Variants in AKAP19 observed in about 807,000 individuals in gnomAD.
The protein encoded by AKAP19 is small A-kinase anchoring protein.
the AKAP19 span, among the ~76,000 whole-genome samples, chr2:190,073,748 T>TA: frequency 0.012 from 1,719 of 148,074 alleles, 13 homozygotes; most frequent in Non-Finnish European, 0.019. Flanking sequence ...ATCACTTAGT[T>TA]AAAAAAAAAA....
At chr2:190,203,007 A>G in the AKAP19 span, 1 of 166,190 alleles carries the variant, frequency 6.0e-6, no homozygotes, top group Non-Finnish European at 1.5e-5. Context: ...AAGGGGAAAA[A>G]AATGATAATC....
the AKAP19 span, chr2:189,923,839 A>T: frequency 7.5e-6 from 12 of 1,610,488 alleles, no homozygotes; most frequent in East Asian, 2.7e-4. Flanking sequence ...GACAGCGGGG[A>T]TCTTCCAAGT....
At chr2:190,170,575 C>T in the AKAP19 span, among the ~76,000 whole-genome samples, 1 of 152,212 alleles carries the variant, frequency 6.6e-6, no homozygotes, top group East Asian at 1.9e-4. Flanking sequence ...CACCCGCTGC[C>T]TCCCATCCCC....
At chr2:190,002,734 G>C in the AKAP19 span, among the ~76,000 whole-genome samples, 1 of 152,030 alleles carries the variant, frequency 6.6e-6, no homozygotes, top group Non-Finnish European at 1.5e-5. Flanking sequence ...TCTTAGGACC[G>C]TCAGTTGGTC....
chr2:189,961,031 C>T, the AKAP19 span, among the ~76,000 whole-genome samples: 7 of 152,146 alleles, frequency 4.6e-5, no homozygotes, highest in South Asian at 4.1e-4. Flanking sequence ...AGTCTTTGAG[C>T]AGTATTGTCT....
chr2:189,998,357 A>G, the AKAP19 span, among the ~76,000 whole-genome samples: 2 of 152,198 alleles, frequency 1.3e-5, no homozygotes, highest in Non-Finnish European at 2.9e-5. Context: ...TCACCGTCTG[A>G]TAGATTTAAC....
At chr2:190,059,313 G>A in the AKAP19 span, among the ~76,000 whole-genome samples, 5 of 151,902 alleles carry the variant, frequency 3.3e-5, no homozygotes, top group African/African-American at 1.2e-4. Flanking sequence ...ATTAATTTTT[G>A]TGATATATAA....
At chr2:189,961,584 G>A in the AKAP19 span, among the ~76,000 whole-genome samples, 3 of 151,942 alleles carry the variant, frequency 2.0e-5, no homozygotes, top group African/African-American at 2.4e-5. Flanking sequence ...ATAAGTCCCA[G>A]GTTCTTGACA....
the AKAP19 span, among the ~76,000 whole-genome samples, chr2:190,017,826 T>C: frequency 6.6e-6 from 1 of 152,208 alleles, no homozygotes. Flanking sequence ...TAGAAATTCC[T>C]GTAAGAGGCA....
the AKAP19 span, among the ~76,000 whole-genome samples, chr2:190,140,189 C>T: frequency 1.3e-5 from 2 of 152,316 alleles, no homozygotes; most frequent in East Asian, 1.9e-4. Flanking sequence ...TAGCTCTACC[C>T]CTGTGGCTTT....
the AKAP19 span, among the ~76,000 whole-genome samples, chr2:190,141,396 T>G: frequency 3.9e-3 from 597 of 152,310 alleles, 5 homozygotes; most frequent in South Asian, 0.012. Context: ...AAAAAATACC[T>G]GAGACTGGGT....
At chr2:189,925,105 A>G in the AKAP19 span, among the ~76,000 whole-genome samples, 2 of 152,148 alleles carry the variant, frequency 1.3e-5, no homozygotes, top group African/African-American at 4.8e-5. Flanking sequence ...CACATATGAA[A>G]GTGAACCCAA....
the AKAP19 span, chr2:189,917,428 CTGTT>C: frequency 5.8e-5 from 46 of 794,094 alleles, 1 homozygote; most frequent in South Asian, 6.8e-4. Context: ...AAAACCATGT[CTGTT>C]TTTTTTCTAG....
the AKAP19 span, among the ~76,000 whole-genome samples, chr2:189,934,683 T>C: frequency 2.6e-5 from 4 of 151,614 alleles, no homozygotes; most frequent in African/African-American, 9.6e-5. Flanking sequence ...GAAACCCCTT[T>C]TTAATTTTTT....
chr2:189,892,523 C>G, the AKAP19 span, among the ~76,000 whole-genome samples: 1 of 152,150 alleles, frequency 6.6e-6, no homozygotes, highest in Non-Finnish European at 1.5e-5. Flanking sequence ...TGCTGGTGGT[C>G]CATTCCAGAC....
At chr2:189,968,701 A>G in the AKAP19 span, among the ~76,000 whole-genome samples, 5 of 152,190 alleles carry the variant, frequency 3.3e-5, no homozygotes. Flanking sequence ...TTGCAAATAC[A>G]AAGGCCCCCT....
At chr2:190,127,541 A>C in the AKAP19 span, among the ~76,000 whole-genome samples, 2 of 152,216 alleles carry the variant, frequency 1.3e-5, no homozygotes, top group Non-Finnish European at 2.9e-5. Flanking sequence ...CAAAATAAAA[A>C]TATATGTGAA....
chr2:190,076,643 A>C, the AKAP19 span, among the ~76,000 whole-genome samples: 6 of 152,214 alleles, frequency 3.9e-5, 1 homozygote, highest in Admixed American at 3.9e-4. Flanking sequence ...CAGGAAATCA[A>C]TATTACTTAT....
the AKAP19 span, among the ~76,000 whole-genome samples, chr2:190,125,320 CAT>C: frequency 0.27 from 40,898 of 151,814 alleles, 5,591 homozygotes; most frequent in Middle Eastern, 0.34. Context: ...TTGACTGAAA[CAT>C]AGTTATATGG....
Sources: gnomAD v4.1 joint callset for allele counts (sites outside exome capture counted in the v4.1 genomes callset) on GRCh38, gnomAD v4.1.1 for gene constraint, MANE v1.5 for transcripts, NCBI Gene and HGNC (gene_info 2026-07-23, HGNC 2026-07-21) for gene names.